Variants in DCC observed in about 807,000 individuals in gnomAD.
DCC encodes the protein DCC netrin 1 receptor, also known as netrin receptor DCC.
DCC carries 58 observed loss-of-function variants against 172.5 expected under a neutral mutation model. The ratio of observed to expected loss-of-function variants is 0.34; its 90% CI spans 0.27 to 0.42. DCC has a LOEUF of 0.42. DCC is among the 10% of genes least tolerant of loss of function. DCC has a pLI of 1.00. For missense variants in DCC, 1,740 were observed against 1,791.0 expected, an observed-to-expected ratio of 0.97 and a Z score of 0.51; for synonymous variants, 709 against 644.5, an observed-to-expected ratio of 1.10 and a Z score of -1.52.
chr18:53,092,030 T>C (rs1266067602), intron 7 of DCC, among the ~76,000 whole-genome samples: 1 of 152,112 alleles, frequency 6.6e-6, no homozygotes, highest in Non-Finnish European at 1.5e-5. Flanking sequence ...TATCTTTATA[T>C]GACAATTATT....
intron 7 of DCC, among the ~76,000 whole-genome samples, chr18:53,069,238 A>C (rs1216192265): frequency 1.3e-5 from 2 of 152,198 alleles, no homozygotes; most frequent in East Asian, 3.9e-4. Flanking sequence ...GCCAACAAAC[A>C]TGGTGGATTA....
chr18:52,603,967 A>G (rs1221872), intron 1 of DCC, among the ~76,000 whole-genome samples: 123,494 of 151,900 alleles, frequency 0.81, 50,957 homozygotes, highest in Middle Eastern at 0.91. Context: ...GTCAGAACCT[A>G]TATTTCCTTG....
chr18:52,894,466 AAT>A (rs1265327881), intron 2 of DCC, among the ~76,000 whole-genome samples: 6 of 149,900 alleles, frequency 4.0e-5, no homozygotes, highest in African/African-American at 1.2e-4. Context: ...TTTATATATT[AAT>A]ATATGTTTAT....
At chr18:52,747,019 C>T (rs1384643286) in intron 1 of DCC, among the ~76,000 whole-genome samples, 1 of 151,824 alleles carries the variant, frequency 6.6e-6, no homozygotes, top group Non-Finnish European at 1.5e-5. Flanking sequence ...CACCTCATTA[C>T]TTTTCTTCAG....
intron 1 of DCC, among the ~76,000 whole-genome samples, chr18:52,706,370 G>C (rs1044752318): frequency 2.0e-5 from 3 of 152,090 alleles, no homozygotes; most frequent in Non-Finnish European, 2.9e-5. Flanking sequence ...GCTTGAAAAT[G>C]GTATTTATTA....
chr18:52,504,819 C>A (rs2031171243), intron 1 of DCC, among the ~76,000 whole-genome samples: 1 of 152,086 alleles, frequency 6.6e-6, no homozygotes, highest in Non-Finnish European at 1.5e-5. Context: ...GCCTGCTTCT[C>A]CAGCTCTCAC....
intron 11 of DCC, among the ~76,000 whole-genome samples, chr18:53,214,239 C>A (rs1340702084): frequency 6.6e-6 from 1 of 151,860 alleles, no homozygotes; most frequent in Admixed American, 6.6e-5. Context: ...TGGCTGCAAC[C>A]TTCATCAGGC....
intron 7 of DCC, among the ~76,000 whole-genome samples, chr18:53,121,223 A>G (rs1391457880): frequency 6.6e-6 from 1 of 151,890 alleles, no homozygotes; most frequent in East Asian, 1.9e-4. Context: ...GGACATTGGA[A>G]ACAAAAGCAA....
intron 12 of DCC, among the ~76,000 whole-genome samples, chr18:53,256,942 G>T (rs937384001): frequency 1.3e-5 from 2 of 152,114 alleles, no homozygotes; most frequent in African/African-American, 4.8e-5. Context: ...CTTGTAAGTT[G>T]TATTCCTAGG....
chr18:53,401,406 G>A (rs1909282667), intron 18 of DCC, among the ~76,000 whole-genome samples: 1 of 152,036 alleles, frequency 6.6e-6, no homozygotes, highest in South Asian at 2.1e-4. Flanking sequence ...TGGTTAACCT[G>A]GAATCCCAGT....
intron 1 of DCC, among the ~76,000 whole-genome samples, chr18:52,655,611 GA>G (rs2035229182): frequency 6.6e-6 from 1 of 151,966 alleles, no homozygotes; most frequent in Non-Finnish European, 1.5e-5. Context: ...ATGTGGTGTT[GA>G]AAATGGCCTA....
chr18:52,484,483 A>G (rs914672218), intron 1 of DCC, among the ~76,000 whole-genome samples: 4 of 152,072 alleles, frequency 2.6e-5, no homozygotes, highest in Non-Finnish European at 5.9e-5. Flanking sequence ...ATTTTGTATG[A>G]TTTAGTAGAA....
chr18:52,639,937 T>C (rs1226151281), intron 1 of DCC, among the ~76,000 whole-genome samples: 5 of 152,092 alleles, frequency 3.3e-5, no homozygotes. Flanking sequence ...ACTGATATCC[T>C]TGATGCACAT....
intron 1 of DCC, among the ~76,000 whole-genome samples, chr18:52,390,572 G>A (rs1416849578): frequency 6.6e-6 from 1 of 152,188 alleles, no homozygotes. Flanking sequence ...CTGATGAGTG[G>A]AATGGCTTCC....
At chr18:52,632,198 TGAATGAATGAGTTAG>T (rs1421375281) in intron 1 of DCC, among the ~76,000 whole-genome samples, 1 of 152,212 alleles carries the variant, frequency 6.6e-6, no homozygotes, top group Non-Finnish European at 1.5e-5. Context: ...ATAAATATTA[TGAATGAATGAGTTAG>T]GAATGAAGTA....
At chr18:53,263,000 G>A (rs1050703988) in intron 12 of DCC, among the ~76,000 whole-genome samples, 18 of 152,198 alleles carry the variant, frequency 1.2e-4, no homozygotes, top group African/African-American at 4.3e-4. Context: ...GGTAAGCATT[G>A]GCAATGAAAG....
intron 1 of DCC, among the ~76,000 whole-genome samples, chr18:52,501,368 C>G (rs1050231518): frequency 6.6e-6 from 1 of 152,118 alleles, no homozygotes; most frequent in Non-Finnish European, 1.5e-5. Flanking sequence ...TTCTCCTTAC[C>G]AGTTTCCAGC....
chr18:52,878,795 G>A (rs151090957), intron 2 of DCC, among the ~76,000 whole-genome samples: 2,308 of 152,230 alleles, frequency 0.015, 43 homozygotes, highest in African/African-American at 0.039. Flanking sequence ...TGTTGAAAAA[G>A]TAATTAATGT....
chr18:53,216,150 G>A (rs9951763), intron 12 of DCC, among the ~76,000 whole-genome samples: 28,357 of 152,128 alleles, frequency 0.19, 3,695 homozygotes, highest in African/African-American at 0.38. Context: ...GACTTCCAAA[G>A]GAGCTCAACT....
Sources: allele counts gnomAD v4.1 joint callset (sites outside exome capture counted in the v4.1 genomes callset), GRCh38; gene constraint gnomAD v4.1.1; transcripts MANE v1.5; gene names NCBI Gene and HGNC (gene_info 2026-07-23, HGNC 2026-07-21).